The following FAM209B variants were observed in gnomAD, a reference collection of about 807,000 sequenced individuals.
FAM209B encodes family with sequence similarity 209 member B.
Under a neutral mutation model 8.9 loss-of-function variants are expected in FAM209B, and 8 were observed. The observed-to-expected ratio is 0.90, with a 90% CI of 0.53 to 1.62. The LOEUF (loss-of-function observed/expected upper bound fraction) is 1.62, where lower values mean the gene tolerates loss of function less well. Among genes scored for constraint, FAM209B ranks in the 40% most tolerant of loss-of-function variants. FAM209B has a pLI of 0.00. For synonymous variants in FAM209B, 67 were observed against 75.0 expected (o/e 0.89, Z 0.55); for missense variants, 175 against 205.3 (o/e 0.85, Z 0.90).
intron 1 of FAM209B, among the ~76,000 whole-genome samples, chr20:56,535,373 C>T (rs1286148463): frequency 6.6e-6 from 1 of 151,816 alleles, no homozygotes. Flanking sequence ...GGGTGGATCA[C>T]CTGAGGTCAG....
At position 56,535,062 on chromosome 20, in the gene FAM209B, A is replaced by AT. The variant is rs1437482521; in HGVS notation, c.250-1110_250-1109insT. Among the ~76,000 whole-genome samples the AT allele has an allele frequency of 4.5e-3, 675 of 151,554 alleles. 9 individuals carry two copies. Among genetic ancestry groups the AT allele is most frequent in the African/African-American group, 0.016 (642 of 41,208 alleles). ...AAAACTCTGTCTCAAAAAAAAAAAA[A>AT]AATACAGAAATTAGCCAGGTGTGGT... On this transcript the variant is annotated intron_variant, in intron 1 of 1. Coordinates refer to ENST00000371325, the MANE Select transcript of FAM209B (RefSeq NM_001013646.4).
rs772418258 is a variant in FAM209B, at chr20:56,533,350, G to A, written c.9G>A (p.Thr3=). ...CCCCATCTCTGCTCACCATGTGGAC[G>A]CTGAAATCGTCCCTGGTCCTGCTTC... MW[T]LKSSLVLLLC... is the part of the protein sequence containing the mutation. Residue 3 remains threonine (T), a synonymous_variant, in exon 1 of 2, where the codon ACG becomes ACA. Transcript: ENST00000371325. 2.3e-5 allele frequency: 37 copies of A among 1,614,040 alleles called. No individual in the cohort carries two copies. The Admixed American group carries it at 4.7e-4, about 20-fold the overall frequency.
intron 1 of FAM209B, among the ~76,000 whole-genome samples, chr20:56,534,541 G>A (rs992668392): frequency 6.6e-6 from 1 of 150,576 alleles, no homozygotes; most frequent in African/African-American, 2.4e-5. Context: ...ACGAGGTCAG[G>A]AGTTCGAGAC....
chr20:56,536,354 C>T lies in FAM209B; in HGVS notation c.432C>T (p.Asn144=). 1 of 1,614,096 alleles carries T rather than the reference C, an allele frequency of 6.2e-7. No individual in the cohort carries two copies. Among genetic ancestry groups the T allele is most frequent in the Non-Finnish European group, 8.5e-7 (1 of 1,179,996 alleles). ...KGAMATGSGS[N]LKLRRSEMPA... The stretch of plus-strand genomic sequence containing the variant: ...CCATGGCAACAGGCAGTGGCAGTAA[C>T]CTCAAGCTTCGAAGGTCAGAGATGC... Residue 144 remains asparagine, a synonymous_variant, in exon 2 of 2, where the codon AAC becomes AAT. Coordinates refer to ENST00000371325, the MANE Select transcript of FAM209B (RefSeq NM_001013646.4).
At chr20:56,535,925 C>G (rs966365259) in intron 1 of FAM209B, among the ~76,000 whole-genome samples, 1 of 152,196 alleles carries the variant, frequency 6.6e-6, no homozygotes, top group African/African-American at 2.4e-5. Flanking sequence ...TTCCTTGCAA[C>G]TACTCAAATC....
rs1985836050 is a variant in FAM209B, at chr20:56,533,320, C to T, written c.-22C>T. On this transcript the variant is annotated 5_prime_UTR_variant, in exon 1 of 2. Coordinates refer to ENST00000371325, the MANE Select transcript of FAM209B (RefSeq NM_001013646.4). ...GCAAGCAAACCCGTCATGAGCAACT[C>T]CCTTCCCCATCTCTGCTCACCATGT... 1.2e-6 allele frequency: 2 copies of T among 1,612,622 alleles called. No homozygotes were observed. The highest frequency in any genetic ancestry group is 3.3e-5 in the Admixed American group (2 of 59,980).
chr20:56,534,514 G>T (rs952519833), intron 1 of FAM209B, among the ~76,000 whole-genome samples: 6 of 151,976 alleles, frequency 3.9e-5, no homozygotes, highest in African/African-American at 1.4e-4. Context: ...ACTTTGGGAG[G>T]CTGAGGCGGG....
At position 56,533,304 on chromosome 20, in the gene FAM209B, C is replaced by G; in HGVS notation, c.-38C>G. 1 of 1,608,244 alleles carries G rather than the reference C, an allele frequency of 6.2e-7. No individual in the cohort carries two copies. The highest frequency in any genetic ancestry group is 8.5e-7 in the Non-Finnish European group (1 of 1,175,638). ...TCTTCCAGTTGCGAGGGCAAGCAAA[C>G]CCGTCATGAGCAACTCCCTTCCCCA... On this transcript the variant is annotated 5_prime_UTR_variant, in exon 1 of 2. Transcript: ENST00000371325.
In FAM209B at chr20:56,533,381, C is replaced by T. The variant is rs752324474; in HGVS notation, c.40C>T (p.Leu14Phe). ...ATCGTCCCTGGTCCTGCTTCTGTGCCTCACCTGCAGCTATGCCTTTATGTT... is the reference window on the plus strand; with the variant it reads ...ATCGTCCCTGGTCCTGCTTCTGTGCTTCACCTGCAGCTATGCCTTTATGTT... The part of the protein sequence containing the change: ...LKSSLVLLLC[L>F]TCSYAFMFSS... The change falls in exon 1 of 2, where the codon CTC becomes TTC. Residue 14 changes from leucine to phenylalanine, a missense_variant. Physicochemically the swap from Leu to Phe is conservative, Grantham distance 22. Coordinates refer to ENST00000371325, the MANE Select transcript of FAM209B (RefSeq NM_001013646.4). The T allele has an allele frequency of 3.7e-6, 6 of 1,614,018 alleles. No homozygotes were observed. In the South Asian group the frequency reaches 6.6e-5, roughly 18 times the overall value.
rs1283147315 is a variant in FAM209B at position 56,533,472 on chromosome 20, T to C, written c.131T>C (p.Ile44Thr). ...GKVPCGEHFR[I>T]RQNLPEHTQG... The stretch of plus-strand genomic sequence containing the variant: ...GTGCCGTGTGGAGAGCACTTTCGGA[T>C]TCGGCAGAACCTACCAGAGCACACC... Residue 44 changes from isoleucine (I) to threonine (T), a missense_variant, in exon 1 of 2, where the codon ATT (isoleucine) becomes ACT (threonine). This residue lies in a region of FAM209B where 166 missense variants were observed against 174.5 expected (regional missense o/e 0.95). Coordinates refer to ENST00000371325, the MANE Select transcript of FAM209B (RefSeq NM_001013646.4). 1.9e-6 allele frequency: 3 copies of C among 1,614,160 alleles called. No homozygotes were observed. Among genetic ancestry groups the C allele is most frequent in the Non-Finnish European group, 2.5e-6 (3 of 1,180,018 alleles).
intron 1 of FAM209B, among the ~76,000 whole-genome samples, chr20:56,534,673 T>C (rs1415735401): frequency 2.7e-5 from 3 of 112,720 alleles, no homozygotes; most frequent in Middle Eastern, 7.4e-3. Context: ...ACTTGAACCC[T>C]GGAGGCAGAG....
Position 56,536,325 on chromosome 20 carries a change from G to A in FAM209B, c.403G>A (p.Gly135Ser), listed in dbSNP as rs61734533. 2,760 of 1,614,032 alleles carry A rather than the reference G, an allele frequency of 1.7e-3. 42 individuals are homozygous for A. The African/African-American group carries it at 0.032, about 19-fold the overall frequency. Residue 135 changes from glycine (G) to serine (S), a missense_variant, in exon 2 of 2, where the codon GGT becomes AGT. By Grantham distance (56) the Gly-to-Ser change is moderately conservative (BLOSUM62 0). This residue lies in a region of FAM209B where 166 missense variants were observed against 174.5 expected (regional missense o/e 0.95). Coordinates refer to ENST00000371325, the MANE Select transcript of FAM209B (RefSeq NM_001013646.4). ...KFVSEVQNLKGAMATGSGSNL... is the reference protein window; with the variant it reads ...KFVSEVQNLKSAMATGSGSNL... Reference sequence around the variant, plus strand: ...TGTGTCCGAAGTGCAGAATCTTAAAGGTGCCATGGCAACAGGCAGTGGCAG... The same window carrying A: ...TGTGTCCGAAGTGCAGAATCTTAAAAGTGCCATGGCAACAGGCAGTGGCAG...
Position 56,536,229 on chromosome 20 carries a change from CA to C in FAM209B, c.311del (p.Asn104MetfsTer13). 1 of 1,593,236 alleles carries C rather than the reference CA, an allele frequency of 6.3e-7. No homozygotes were observed. The highest frequency in any genetic ancestry group is 8.6e-7 in the Non-Finnish European group (1 of 1,169,280). On this transcript the variant is annotated frameshift_variant, in exon 2 of 2. Transcript: ENST00000371325. LOFTEE classifies it low-confidence loss of function (END_TRUNC). Reference sequence around the variant, plus strand: ...ATTTCGCACTCCACTAAAGAAAAATCAAAATGCTTCTCTTTACAAAGACTGT... The same window carrying C: ...ATTTCGCACTCCACTAAAGAAAAATCAAATGCTTCTCTTTACAAAGACTGT... Reference protein sequence around the residue: ...FPFRTPLKKNQNASLYKDCVF... With the variant: ...FPFRTPLKKNXNASLYKDCVF...
Position 56,535,363 on chromosome 20 carries a change from G to A in FAM209B, c.250-809G>A, listed in dbSNP as rs551240046. On this transcript the variant is annotated intron_variant, in intron 1 of 1. Transcript: ENST00000371325. Reference sequence around the variant, plus strand: ...TCCCAGCAATTTGGGAAGCCGAGGCGGGTGGATCACCTGAGGTCAGGAGTT... The same window carrying A: ...TCCCAGCAATTTGGGAAGCCGAGGCAGGTGGATCACCTGAGGTCAGGAGTT... Among the ~76,000 whole-genome samples the A allele has an allele frequency of 4.6e-5, 7 of 152,168 alleles. No individual in the cohort carries two copies. In the South Asian group the frequency reaches 8.3e-4, roughly 18 times the overall value.
chr20:56,533,254 C>T lies in FAM209B; in HGVS notation c.-88C>T. The T allele has an allele frequency of 6.3e-7, 1 of 1,580,482 alleles. No homozygotes were observed. The highest frequency in any genetic ancestry group is 8.6e-7 in the Non-Finnish European group (1 of 1,163,202). On this transcript the variant is annotated 5_prime_UTR_variant, in exon 1 of 2. Transcript: ENST00000371325. ...CAGCTCAGGGCCTCTGTGACATCAC[C>T]AAGGGCCTGGCACCAGGTGCCCAGT...
At chr20:56,535,390 G>T (rs571230335) in intron 1 of FAM209B, among the ~76,000 whole-genome samples, 35 of 151,832 alleles carry the variant, frequency 2.3e-4, no homozygotes, top group African/African-American at 7.7e-4. Context: ...TCAGGAGTTC[G>T]AGACCAGCCT....
In FAM209B at chr20:56,533,563, G is replaced by A. The variant is rs999875005; in HGVS notation, c.222G>A (p.Gln74=). ...LFAVVPFVIL[Q]CQRDSEKNKE... ...CTGTTGTGCCGTTTGTGATACTGCA[G>A]TGTCAAAGAGACAGTGAGAAGAATA... Residue 74 remains glutamine (Q), a synonymous_variant, in exon 1 of 2, where the codon CAG becomes CAA. Coordinates refer to ENST00000371325, the MANE Select transcript of FAM209B (RefSeq NM_001013646.4). 5.0e-6 allele frequency: 8 copies of A among 1,614,192 alleles called. No homozygotes were observed. Among genetic ancestry groups the A allele is most frequent in the Non-Finnish European group, 6.8e-6 (8 of 1,180,034 alleles).
In FAM209B at chr20:56,533,449, G is replaced by T. The variant is rs1985844888; in HGVS notation, c.108G>T (p.Val36=). 6.2e-7 allele frequency: 1 copy of T among 1,610,732 alleles called. No individual in the cohort carries two copies. The highest frequency in any genetic ancestry group is 1.3e-5 in the African/African-American group (1 of 74,920). The change falls in exon 1 of 2, where the codon GTG becomes GTT. Residue 36 remains valine (V), a synonymous_variant. Transcript: ENST00000371325. ...AAACTAGCGAACCCCAGGGGAAGGTGCCGTGTGGAGAGCACTTTCGGATTC... is the reference window on the plus strand; with the variant it reads ...AAACTAGCGAACCCCAGGGGAAGGTTCCGTGTGGAGAGCACTTTCGGATTC... The part of the protein sequence containing the change: ...RQKTSEPQGK[V]PCGEHFRIRQ...
At chr20:56,536,065 G>A (rs1010247866) in intron 1 of FAM209B, 107 bp from the exon 2 acceptor site, 15 of 971,170 alleles carry the variant, frequency 1.5e-5, no homozygotes, top group South Asian at 5.5e-5. Flanking sequence ...GCCTGCACTC[G>A]AGCACTGCTA....
Sources: allele counts gnomAD v4.1 joint callset (sites outside exome capture counted in the v4.1 genomes callset), GRCh38; gene constraint gnomAD v4.1.1; regional missense constraint gnomAD v4.1.1; transcripts MANE v1.5; gene names NCBI Gene and HGNC (gene_info 2026-07-23, HGNC 2026-07-21).